The following MBP variants were observed in gnomAD, a reference collection of about 807,000 sequenced individuals.
MBP encodes the protein Golli-MBP.
MBP carries 16 observed loss-of-function variants against 35.8 expected under a neutral mutation model. The observed-to-expected ratio is 0.45, with a 90% CI of 0.30 to 0.68. The LOEUF is 0.68. Ranked by LOEUF, MBP falls within the 30% of genes least tolerant of loss-of-function variation. The pLI is 0.08. For synonymous variants in MBP, 143 were observed against 159.6 expected (o/e 0.90, Z 0.78); for missense variants, 380 against 404.7 (o/e 0.94, Z 0.52).
At chr18:77,057,259 C>T (rs1273974150) in intron 3 of MBP, among the ~76,000 whole-genome samples, 1 of 152,224 alleles carries the variant, frequency 6.6e-6, no homozygotes, top group Non-Finnish European at 1.5e-5. Flanking sequence ...GCTGGGAGCA[C>T]TGGGCTCCGA....
At chr18:76,987,643 C>CAA in intron 7 of MBP, 2 of 986,250 alleles carry the variant, frequency 2.0e-6, no homozygotes, top group Non-Finnish European at 2.4e-6. Flanking sequence ...TAGGTAGGCT[C>CAA]TGTTCTAGCG....
Position 77,087,001 on chromosome 18 carries a change from T to A in MBP, c.51+18210A>T, listed in dbSNP as rs1975261861. 2.0e-5 allele frequency among the ~76,000 whole-genome samples: 3 copies of A among 152,320 alleles called. No individual in the cohort carries two copies. In the South Asian group the frequency reaches 6.2e-4, roughly 32 times the overall value. On this transcript the variant is annotated intron_variant, in intron 2 of 8. Transcript: ENST00000355994. ...GAAGAATAGGCGATCCACCAAATGT[T>A]ACATTCAATCTGTTTTATTTGAAAA...
intron 3 of MBP, among the ~76,000 whole-genome samples, chr18:77,051,988 G>GGAAAAAAGGCATCTT (rs1973506741): frequency 6.6e-6 from 1 of 152,112 alleles, no homozygotes; most frequent in Admixed American, 6.5e-5. Flanking sequence ...GGAACAAGTG[G>GGAAAAAAGGCATCTT]GAAAAAAGGC....
chr18:77,129,786 T>C (rs1265816595), intron 1 of MBP, among the ~76,000 whole-genome samples: 1 of 152,026 alleles, frequency 6.6e-6, no homozygotes. Flanking sequence ...TCCCAGCACT[T>C]TGGGAGGCCG....
At chr18:77,129,137 C>T (rs74782072) in intron 1 of MBP, among the ~76,000 whole-genome samples, 3,609 of 152,278 alleles carry the variant, frequency 0.024, 127 homozygotes, top group African/African-American at 0.082. Flanking sequence ...CATTTTAGAA[C>T]TGTTTCTGTA....
rs964219820 is a variant in MBP, at chr18:77,101,805, G to C, written c.51+3406C>G. On this transcript the variant is annotated intron_variant, in intron 2 of 8. Coordinates refer to ENST00000355994, the MANE Select transcript of MBP (RefSeq NM_001025101.2). This position sits in a 1 kb window ranked among gnomAD's most constrained non-coding sequence, Gnocchi z 4.3. ...AGGGCAAAACTTGCAAAGGAGACTGGAAGCTCCTGCAGGCAACAGACGAGG... is the reference window on the plus strand; with the variant it reads ...AGGGCAAAACTTGCAAAGGAGACTGCAAGCTCCTGCAGGCAACAGACGAGG... Among the ~76,000 whole-genome samples, 4 of 152,146 alleles carry C rather than the reference G, an allele frequency of 2.6e-5. No homozygotes were observed. The highest frequency in any genetic ancestry group is 1.3e-4 in the Admixed American group (2 of 15,278).
chr18:76,995,164 C>G (rs1970201881), intron 4 of MBP, among the ~76,000 whole-genome samples: 1 of 152,130 alleles, frequency 6.6e-6, no homozygotes, highest in South Asian at 2.1e-4. Flanking sequence ...AAAGCTAACA[C>G]TAGAAAATGC....
chr18:76,998,597 G>A (rs1599509012), intron 4 of MBP, among the ~76,000 whole-genome samples: 1 of 152,336 alleles, frequency 6.6e-6, no homozygotes, highest in East Asian at 1.9e-4. Context: ...CTGAAGTGAA[G>A]CTGCCGAGGT....
intron 4 of MBP, chr18:77,006,170 T>C (rs1408911547): frequency 6.6e-6 from 1 of 152,336 alleles, no homozygotes; most frequent in Non-Finnish European, 1.5e-5. Flanking sequence ...GGCAGGTCTT[T>C]CCAGAAGCCT....
intron 1 of MBP, among the ~76,000 whole-genome samples, chr18:77,117,116 A>G (rs1204179025): frequency 6.6e-6 from 1 of 152,214 alleles, no homozygotes; most frequent in East Asian, 1.9e-4. Context: ...TGCTCTGAAG[A>G]CTCAAAATAT....
At chr18:77,064,527 G>A (rs571724216) in intron 3 of MBP, among the ~76,000 whole-genome samples, 3 of 152,270 alleles carry the variant, frequency 2.0e-5, no homozygotes, top group African/African-American at 7.2e-5. Context: ...GGGCCTTTGA[G>A]TTATGTTGAT....
At chr18:77,045,295 C>G (rs1342823326) in intron 3 of MBP, among the ~76,000 whole-genome samples, 2 of 152,110 alleles carry the variant, frequency 1.3e-5, no homozygotes. Flanking sequence ...CTGCCGGCAG[C>G]ACCTGCCGGC....
chr18:76,989,916 C>T lies in MBP; in HGVS notation c.681+40G>A, dbSNP rs752163545. 71 of 1,530,100 alleles carry T rather than the reference C, an allele frequency of 4.6e-5. No homozygotes were observed. Among genetic ancestry groups the T allele is most frequent in the Non-Finnish European group, 4.6e-5 (51 of 1,105,758 alleles). The allele number at this position is 1,530,100 out of a possible 1,614,324, so 94.8% of individuals were successfully genotyped here. ...CAGCAGTGGCCAGCACCCCTCCTCC[C>T]CCTCACAGTTGCTACCTCTTCCCAT... On this transcript the variant is annotated intron_variant, in intron 5 of 8. Coordinates refer to ENST00000355994, the MANE Select transcript of MBP (RefSeq NM_001025101.2). This position sits in a 1 kb window ranked among gnomAD's most constrained non-coding sequence, Gnocchi z 4.0.
intron 2 of MBP, among the ~76,000 whole-genome samples, chr18:77,090,350 C>T (rs756670378): frequency 1.3e-5 from 2 of 152,196 alleles, no homozygotes; most frequent in Non-Finnish European, 2.9e-5. Flanking sequence ...GTGCTATTCA[C>T]ACTCACGTGT....
chr18:77,042,986 C>A (rs1973079207), intron 3 of MBP, among the ~76,000 whole-genome samples: 1 of 152,152 alleles, frequency 6.6e-6, no homozygotes, highest in South Asian at 2.1e-4. Flanking sequence ...ATCAAAATGG[C>A]CTTGGATAAC....
In MBP at chr18:77,131,923, C is replaced by A. The variant is rs1255865504; in HGVS notation, c.-26+657G>T. On this transcript the variant is annotated intron_variant, in intron 1 of 8. Transcript: ENST00000355994. The surrounding 1 kb of genome is among the most constrained non-coding windows in gnomAD (Gnocchi z 5.5). ...GCCGAAGAGCCCGAGACAGGCCCTG[C>A]GAAGGCGGAAGCCCGGACCCGGGCT... Among the ~76,000 whole-genome samples the A allele has an allele frequency of 1.3e-5, 2 of 152,102 alleles. No individual in the cohort carries two copies. The highest frequency in any genetic ancestry group is 2.9e-5 in the Non-Finnish European group (2 of 67,990).
At chr18:77,122,239 A>G (rs1976906064) in intron 1 of MBP, among the ~76,000 whole-genome samples, 1 of 152,214 alleles carries the variant, frequency 6.6e-6, no homozygotes, top group African/African-American at 2.4e-5. Flanking sequence ...TTTGCAATGT[A>G]GCATTTAAGC....
intron 3 of MBP, among the ~76,000 whole-genome samples, chr18:77,060,985 TC>T (rs1973956180): frequency 6.6e-6 from 1 of 152,218 alleles, no homozygotes; most frequent in Non-Finnish European, 1.5e-5. Context: ...AACCAGCCGC[TC>T]AGAACTCCTC....
chr18:77,064,310 G>A (rs1433316654), intron 3 of MBP, among the ~76,000 whole-genome samples: 3 of 152,184 alleles, frequency 2.0e-5, no homozygotes, highest in Non-Finnish European at 4.4e-5. Flanking sequence ...CATGGACGCG[G>A]CTGCCTTCAA....
Sources: allele counts gnomAD v4.1 joint callset (sites outside exome capture counted in the v4.1 genomes callset), GRCh38; gene constraint gnomAD v4.1.1; non-coding constraint Gnocchi (gnomAD v3.1); transcripts MANE v1.5; gene names NCBI Gene and HGNC (gene_info 2026-07-23, HGNC 2026-07-21).